MN1: variants seen among roughly 807,000 people sequenced by gnomAD.
MN1 encodes transcriptional activator MN1.
Under a neutral mutation model 86.9 loss-of-function variants are expected in MN1, and 19 were observed. The ratio of observed to expected loss-of-function variants is 0.22; its 90% CI spans 0.15 to 0.32. The LOEUF (loss-of-function observed/expected upper bound fraction) is 0.32. Among genes scored for constraint, MN1 ranks in the 10% least tolerant of loss-of-function variants. The pLI is 1.00. For missense variants in MN1, 1,841 were observed against 1,862.0 expected (o/e 0.99, Z 0.21); for synonymous variants, 928 against 849.6 (o/e 1.09, Z -1.60).
chr22:27,769,094 C>T (rs971002984), intron 1 of MN1, among the ~76,000 whole-genome samples: 8 of 152,136 alleles, frequency 5.3e-5, no homozygotes, highest in African/African-American at 1.7e-4. Context: ...AAATTTGGGG[C>T]TGAAAGGAGC....
At chr22:27,796,664 C>A in intron 1 of MN1, 99 bp downstream of exon 1, 1 of 1,288,392 alleles carries the variant, frequency 7.8e-7, no homozygotes, top group Non-Finnish European at 1.1e-6. Context: ...GGTTTGTGCC[C>A]TCCAAACCTC....
intron 1 of MN1, among the ~76,000 whole-genome samples, chr22:27,764,792 T>C (rs533207056): frequency 1.9e-4 from 29 of 152,326 alleles, no homozygotes; most frequent in Non-Finnish European, 8.8e-5. Flanking sequence ...TTAAACTCAA[T>C]AATTCCTCAT....
chr22:27,750,798 T>C lies in MN1; in HGVS notation c.*117A>G, dbSNP rs1456798689. 4.9e-6 allele frequency: 4 copies of C among 821,376 alleles called. No homozygotes were observed. The highest frequency in any genetic ancestry group is 7.1e-6 in the Non-Finnish European group (4 of 566,260). The allele number at this position is 821,376 out of a possible 1,614,324, so 50.9% of individuals were successfully genotyped here. A position where few individuals can be genotyped will look rare whatever the true frequency, so the allele number is the denominator to read the frequency against. ...AACCTAGAGAAAAAAAAAAAACTCA[T>C]CCACTCAGCAATAGTGGCCCTTTCA... is the stretch of plus-strand genomic sequence containing the variant. On this transcript the variant is annotated 3_prime_UTR_variant, in exon 2 of 2. Transcript: ENST00000302326.
chr22:27,798,761 C>T lies in MN1; in HGVS notation c.1783G>A (p.Val595Met), dbSNP rs45473596. 1,657 of 1,534,362 alleles carry T rather than the reference C, an allele frequency of 1.1e-3. 15 individuals carry two copies. Among genetic ancestry groups the T allele is most frequent in the East Asian group, 7.1e-3 (290 of 40,822 alleles). ...AAGTTCGGCTGGGCCAAGCCGCCCA[C>T]CGGGCCGCCATGCACCAGGCCGCCC... ...GQGGLVHGGP[V>M]GGLAQPNFER... The change falls in exon 1 of 2, where the codon GTG becomes ATG. Residue 595 changes from valine (V) to methionine (M), a missense_variant. Physicochemically the swap from Val to Met is conservative, Grantham distance 21. Transcript: ENST00000302326.
chr22:27,761,556 A>G lies in MN1; in HGVS notation c.3782-10460T>C, dbSNP rs547932255. On this transcript the variant is annotated intron_variant, in intron 1 of 1. Coordinates refer to ENST00000302326, the MANE Select transcript of MN1 (RefSeq NM_002430.3). ...TCTTCCCTCACCACTGATGTTACCA[A>G]AGTTTCAGCTGCAACCTTCCCCCAT... Among the ~76,000 whole-genome samples, 69 of 152,100 alleles carry G rather than the reference A, an allele frequency of 4.5e-4. 1 individual carries two copies. The highest frequency in any genetic ancestry group is 5.9e-5 in the Non-Finnish European group (4 of 68,030).
In MN1 at chr22:27,798,229, C is replaced by T. The variant is rs1030625906; in HGVS notation, c.2315G>A (p.Gly772Asp). The change falls in exon 1 of 2, where the codon GGC (glycine) becomes GAC (aspartate). Residue 772 changes from glycine (G) to aspartate (D), a missense_variant. Physicochemically the swap from Gly to Asp is moderately conservative, Grantham distance 94. Transcript: ENST00000302326. ...GVNSPPSAGG[G>D]GGSSGGGGGG... ...ACCGCCGCCACCAGAGCTGCCACCG[C>T]CCCCTCCCGCGCTGGGGGGCGAGTT... is the stretch of plus-strand genomic sequence containing the variant. 2 of 1,519,514 alleles carry T rather than the reference C, an allele frequency of 1.3e-6. No individual in the cohort carries two copies. The highest frequency in any genetic ancestry group is 1.7e-6 in the Non-Finnish European group (2 of 1,143,122). The allele number at this position is 1,519,514 out of a possible 1,614,324, so 94.1% of individuals were successfully genotyped here. A position where few individuals can be genotyped will look rare whatever the true frequency, so the allele number is the denominator to read the frequency against.
At chr22:27,751,176 A>G (rs780911526) in intron 1 of MN1, 80 bp from the exon 2 acceptor site, 63 of 1,282,344 alleles carry the variant, frequency 4.9e-5, no homozygotes, top group Non-Finnish European at 6.6e-5. Flanking sequence ...AAAGTGGCAG[A>G]GGCATACAAG....
chr22:27,790,243 C>A (rs1448756230), intron 1 of MN1, among the ~76,000 whole-genome samples: 2 of 152,242 alleles, frequency 1.3e-5, no homozygotes, highest in Non-Finnish European at 2.9e-5. Flanking sequence ...AACTCTGCTT[C>A]TCAATCCTGG....
In MN1 at chr22:27,791,319, C is replaced by T. The variant is rs371536949; in HGVS notation, c.3781+5444G>A. Among the ~76,000 whole-genome samples the T allele has an allele frequency of 7.9e-5, 12 of 152,234 alleles. No homozygotes were observed. In the South Asian group the frequency reaches 1.5e-3, roughly 18 times the overall value. Reference sequence around the variant, plus strand: ...CCAAATGTCCCTCTTCTCAATCACGCACTCATGTATACATCAACATCTCCA... The same window carrying T: ...CCAAATGTCCCTCTTCTCAATCACGTACTCATGTATACATCAACATCTCCA... On this transcript the variant is annotated intron_variant, in intron 1 of 1. Transcript: ENST00000302326.
At position 27,750,728 on chromosome 22, in the gene MN1, CT is replaced by C. The variant is rs1374410637; in HGVS notation, c.*186del. On this transcript the variant is annotated 3_prime_UTR_variant, in exon 2 of 2. Transcript: ENST00000302326. The stretch of plus-strand genomic sequence containing the variant: ...TAAAAAAACTTTTGAGGTTCCCCCC[CT>C]TTAAATTAACCCTTTCCGGTCCATA... The C allele has an allele frequency of 4.4e-6, 2 of 457,146 alleles. No individual in the cohort carries two copies. The highest frequency in any genetic ancestry group is 2.0e-5 in the African/African-American group (1 of 50,046). The allele number at this position is 457,146 out of a possible 1,614,324, so 28.3% of individuals were successfully genotyped here. A position where few individuals can be genotyped will look rare whatever the true frequency, so the allele number is the denominator to read the frequency against.
chr22:27,775,190 C>T (rs1041292631), intron 1 of MN1, among the ~76,000 whole-genome samples: 12 of 152,216 alleles, frequency 7.9e-5, no homozygotes, highest in African/African-American at 1.9e-4. Context: ...TGCTTCACAG[C>T]GGCTGGAGGG....
intron 1 of MN1, among the ~76,000 whole-genome samples, chr22:27,752,173 C>T (rs779664808): frequency 2.6e-5 from 4 of 152,168 alleles, no homozygotes. Context: ...CAAAGGGACC[C>T]GAGGCCAGTC....
chr22:27,774,533 C>T (rs1329902525), intron 1 of MN1, among the ~76,000 whole-genome samples: 2 of 152,324 alleles, frequency 1.3e-5, no homozygotes, highest in South Asian at 2.1e-4. Context: ...TGGCTATCCA[C>T]GGAGGTGTTG....
At chr22:27,768,507 A>T (rs940392717) in intron 1 of MN1, among the ~76,000 whole-genome samples, 1 of 152,174 alleles carries the variant, frequency 6.6e-6, no homozygotes, top group Non-Finnish European at 1.5e-5. Flanking sequence ...CCAAGGACCC[A>T]CCCAGACTTT....
At chr22:27,785,391 G>T (rs541292480) in intron 1 of MN1, among the ~76,000 whole-genome samples, 3 of 152,192 alleles carry the variant, frequency 2.0e-5, no homozygotes, top group Non-Finnish European at 4.4e-5. Context: ...CGGCCACGTC[G>T]CACCAAAGGA....
At chr22:27,784,825 C>G (rs1303103459) in intron 1 of MN1, among the ~76,000 whole-genome samples, 1 of 151,622 alleles carries the variant, frequency 6.6e-6, no homozygotes, top group African/African-American at 2.4e-5. Flanking sequence ...GGGACCTTAG[C>G]GAACAGGCCG....
intron 1 of MN1, among the ~76,000 whole-genome samples, chr22:27,763,418 G>C (rs912683902): frequency 6.6e-6 from 1 of 152,202 alleles, no homozygotes; most frequent in Admixed American, 6.5e-5. Flanking sequence ...GGTCAGTTGT[G>C]CACAGTCACG....
Position 27,800,691 on chromosome 22 carries a change from G to A in MN1, c.-148C>T, listed in dbSNP as rs1354822238. On this transcript the variant is annotated 5_prime_UTR_variant, in exon 1 of 2. Coordinates refer to ENST00000302326, the MANE Select transcript of MN1 (RefSeq NM_002430.3). ...CTCAGCGCGCACCTCCACCCCGCCT[G>A]ATGTGAGGGACGGGGGGCGGGGTAT... 6.2e-6 allele frequency: 6 copies of A among 965,310 alleles called. No individual in the cohort carries two copies. Among genetic ancestry groups the A allele is most frequent in the Non-Finnish European group, 9.2e-6 (6 of 654,092 alleles). The allele number at this position is 965,310 out of a possible 1,614,324, so 59.8% of individuals were successfully genotyped here.
At chr22:27,790,719 G>T (rs1215975896) in intron 1 of MN1, among the ~76,000 whole-genome samples, 2 of 152,088 alleles carry the variant, frequency 1.3e-5, no homozygotes, top group African/African-American at 4.8e-5. Context: ...AGGGGGCACT[G>T]ATTCAAAGAT....
Sources: allele counts gnomAD v4.1 joint callset (sites outside exome capture counted in the v4.1 genomes callset), GRCh38; gene constraint gnomAD v4.1.1; transcripts MANE v1.5; gene names NCBI Gene and HGNC (gene_info 2026-07-23, HGNC 2026-07-21).